ADGB: variants seen among roughly 807,000 people sequenced by gnomAD.
ADGB encodes calpain-7-like protein.
Under a neutral mutation model 210.5 loss-of-function variants are expected in ADGB, and 172 were observed. The observed-to-expected ratio is 0.82, with a 90% CI of 0.72 to 0.93. The LOEUF (loss-of-function observed/expected upper bound fraction) is 0.93. Ranked by LOEUF, ADGB falls within the 40% of genes least tolerant of loss-of-function variation. The probability of loss-of-function intolerance (pLI) is 0.00; values close to 1 mark genes in which losing one functional copy is unlikely to be tolerated. For missense variants in ADGB, 2,025 were observed against 1,964.8 expected, an observed-to-expected ratio of 1.03 and a Z score of -0.58; for synonymous variants, 658 against 662.7, an observed-to-expected ratio of 0.99 and a Z score of 0.11.
At position 146,763,905 on chromosome 6, in the gene ADGB, C is replaced by A; in HGVS notation, c.3555C>A (p.Ser1185Arg). The A allele has an allele frequency of 1.3e-6, 2 of 1,549,812 alleles. No homozygotes were observed. Among genetic ancestry groups the A allele is most frequent in the Non-Finnish European group, 1.7e-6 (2 of 1,146,170 alleles). The change falls in exon 28 of 36, where the codon AGC becomes AGA. Residue 1185 changes from serine to arginine, a missense_variant. Transcript: ENST00000397944. ...CTTAGTATTTCTCCTATTCAGCTAG[C>A]AAGCACATTCTTTCATTTCACTCTG... ...KSEKGLSSQS[S>R]KHILSFHSAS... is the part of the protein sequence containing the mutation.
chr6:146,648,233 T>G (rs559261563), intron 3 of ADGB, among the ~76,000 whole-genome samples: 1 of 152,270 alleles, frequency 6.6e-6, no homozygotes, highest in South Asian at 2.1e-4. Context: ...TATTTTATTT[T>G]TAGAGATAGG....
intron 3 of ADGB, among the ~76,000 whole-genome samples, chr6:146,651,212 G>T (rs1775695571): frequency 6.6e-6 from 1 of 152,200 alleles, no homozygotes; most frequent in Admixed American, 6.5e-5. Flanking sequence ...ATTTGCAAGT[G>T]GCCCCTGCCC....
At chr6:146,609,257 T>C (rs978909359) in intron 1 of ADGB, among the ~76,000 whole-genome samples, 6 of 152,138 alleles carry the variant, frequency 3.9e-5, no homozygotes, top group Non-Finnish European at 5.9e-5. Flanking sequence ...GAGCATATGG[T>C]TGTCATTGCA....
intron 3 of ADGB, among the ~76,000 whole-genome samples, chr6:146,649,566 T>C (rs538090958): frequency 2.6e-5 from 4 of 151,874 alleles, no homozygotes; most frequent in Non-Finnish European, 4.4e-5. Flanking sequence ...TCACATCTCA[T>C]GGCAGCCTCA....
intron 27 of ADGB, among the ~76,000 whole-genome samples, chr6:146,759,775 C>T (rs1254272142): frequency 6.6e-6 from 1 of 151,746 alleles, no homozygotes; most frequent in East Asian, 1.9e-4. Context: ...CTCCTTTATC[C>T]ATGCTCCCCT....
intron 1 of ADGB, among the ~76,000 whole-genome samples, chr6:146,621,195 T>C (rs574298247): frequency 2.0e-5 from 3 of 152,268 alleles, no homozygotes; most frequent in South Asian, 2.1e-4. Context: ...TCTGATCTTT[T>C]AGTTTTTTTC....
chr6:146,656,865 C>A lies in ADGB; in HGVS notation c.497C>A (p.Pro166His). The stretch of plus-strand genomic sequence containing the variant: ...TATTTTAAGGGGACTTCAGGGGAAC[C>A]TCCTCTTCTCCCCTGGAAGCCCTGG... ...SNYFKGTSGE[P>H]PLLPWKPWEH... The change falls in exon 5 of 36, where the codon CCT becomes CAT. Residue 166 changes from proline to histidine, a missense_variant. Pro to His is a moderately conservative substitution (Grantham distance 77). Transcript: ENST00000397944. The A allele has an allele frequency of 1.3e-6, 2 of 1,551,080 alleles. No individual in the cohort carries two copies. The highest frequency in any genetic ancestry group is 1.7e-6 in the Non-Finnish European group (2 of 1,146,358).
In ADGB at chr6:146,685,705, T is replaced by C. The variant is rs1482936099; in HGVS notation, c.1217-29T>C. ...GACAGACCGATTTTGACTAGAATTT[T>C]CACAACATAATGTATGTTTGTTTTA... On this transcript the variant is annotated intron_variant, in intron 9 of 35. Coordinates refer to ENST00000397944, the MANE Select transcript of ADGB (RefSeq NM_024694.4). 3 of 1,383,850 alleles carry C rather than the reference T, an allele frequency of 2.2e-6. No individual in the cohort carries two copies. The Admixed American group carries it at 8.4e-5, about 39-fold the overall frequency. The allele number at this position is 1,383,850 out of a possible 1,614,324, so 85.7% of individuals were successfully genotyped here. A position where few individuals can be genotyped will look rare whatever the true frequency, so the allele number is the denominator to read the frequency against.
At chr6:146,750,384 T>G (rs181525812) in intron 26 of ADGB, among the ~76,000 whole-genome samples, 57 of 152,046 alleles carry the variant, frequency 3.7e-4, no homozygotes, top group African/African-American at 1.4e-3. Flanking sequence ...CATAGTGAGA[T>G]CCTGTCTCTA....
chr6:146,735,154 T>G (rs944262039), intron 22 of ADGB, among the ~76,000 whole-genome samples: 1 of 152,210 alleles, frequency 6.6e-6, no homozygotes, highest in Non-Finnish European at 1.5e-5. Context: ...TAATGATAGT[T>G]GTCTAATTCA....
chr6:146,806,330 T>C (rs374710970), intron 35 of ADGB, among the ~76,000 whole-genome samples: 3 of 152,218 alleles, frequency 2.0e-5, no homozygotes, highest in Admixed American at 6.5e-5. Flanking sequence ...AGAATGAATA[T>C]GTTTTATACT....
At chr6:146,694,106 C>G (rs188537714) in intron 12 of ADGB, among the ~76,000 whole-genome samples, 7 of 152,172 alleles carry the variant, frequency 4.6e-5, no homozygotes, top group African/African-American at 1.7e-4. Context: ...TACCTCCAAA[C>G]TCTTCCAGCC....
At chr6:146,663,609 G>T (rs889707028) in intron 5 of ADGB, among the ~76,000 whole-genome samples, 4 of 151,780 alleles carry the variant, frequency 2.6e-5, no homozygotes, top group African/African-American at 7.3e-5. Context: ...GCACGCAAAC[G>T]TATTTTTTAT....
chr6:146,797,919 AC>A (rs1778070256), intron 33 of ADGB, among the ~76,000 whole-genome samples: 1 of 150,760 alleles, frequency 6.6e-6, no homozygotes, highest in Non-Finnish European at 1.5e-5. Flanking sequence ...TATTGATAAT[AC>A]ATAAATAAAT....
intron 1 of ADGB, among the ~76,000 whole-genome samples, chr6:146,625,201 T>C (rs1441345167): frequency 1.3e-5 from 2 of 152,096 alleles, no homozygotes; most frequent in Admixed American, 6.6e-5. Flanking sequence ...AATATGCCTG[T>C]TGATTGTTGT....
chr6:146,772,713 T>C (rs1777668381), intron 29 of ADGB, among the ~76,000 whole-genome samples: 1 of 150,666 alleles, frequency 6.6e-6, no homozygotes, highest in Admixed American at 6.6e-5. Context: ...GTGTATATTT[T>C]CTGTGATAAC....
intron 5 of ADGB, among the ~76,000 whole-genome samples, chr6:146,661,088 A>T (rs945268985): frequency 3.3e-5 from 5 of 152,154 alleles, no homozygotes; most frequent in Non-Finnish European, 7.3e-5. Context: ...AGCTTATCAC[A>T]GTCAACTAGT....
intron 35 of ADGB, among the ~76,000 whole-genome samples, chr6:146,807,157 G>A (rs1434976388): frequency 5.3e-5 from 8 of 152,048 alleles, no homozygotes; most frequent in African/African-American, 1.4e-4. Flanking sequence ...AAAAAAGTAT[G>A]TTTTGACTAT....
rs964788654 is a variant in ADGB, at chr6:146,803,861, G to T, written c.4818+1850G>T. ...AACGCGGCCGCGCGCGCGGCCTGCCGGGATAGCTGGGAAAAGTCTTAACAA... is the reference window on the plus strand; with the variant it reads ...AACGCGGCCGCGCGCGCGGCCTGCCTGGATAGCTGGGAAAAGTCTTAACAA... On this transcript the variant is annotated intron_variant, in intron 35 of 35. Coordinates refer to ENST00000397944, the MANE Select transcript of ADGB (RefSeq NM_024694.4). The T allele has an allele frequency of 2.5e-5, 9 of 362,526 alleles. No individual in the cohort carries two copies. In the East Asian group the frequency reaches 3.8e-4, roughly 15 times the overall value. The allele number at this position is 362,526 out of a possible 1,614,324, so 22.5% of individuals were successfully genotyped here. A position where few individuals can be genotyped will look rare whatever the true frequency, so the allele number is the denominator to read the frequency against.
Sources: allele counts gnomAD v4.1 joint callset (sites outside exome capture counted in the v4.1 genomes callset), GRCh38; gene constraint gnomAD v4.1.1; transcripts MANE v1.5; gene names NCBI Gene and HGNC (gene_info 2026-07-23, HGNC 2026-07-21).